Variants in RANBP2 observed in about 807,000 individuals in gnomAD.
RANBP2 encodes the protein E3 SUMO-protein ligase RanBP2.
Under a neutral mutation model 303.6 loss-of-function variants are expected in RANBP2, and 57 were observed. The ratio of observed to expected loss-of-function variants is 0.19; its 90% CI spans 0.15 to 0.23. The LOEUF is 0.23. Ranked by LOEUF, RANBP2 falls within the 10% of genes least tolerant of loss-of-function variation. RANBP2 has a pLI of 1.00. For missense variants in RANBP2, 3,138 were observed against 3,780.8 expected, an observed-to-expected ratio of 0.83 and a Z score of 4.46; for synonymous variants, 1,167 against 1,301.5, an observed-to-expected ratio of 0.90 and a Z score of 2.23.
In RANBP2 at chr2:108,763,825, C is replaced by G. The variant is rs1284886464; in HGVS notation, c.3286C>G (p.Arg1096Gly). Residue 1096 changes from arginine (R) to glycine (G), a missense_variant, in exon 20 of 29, where the codon CGA (arginine) becomes GGA (glycine). Coordinates refer to ENST00000283195, the MANE Select transcript of RANBP2 (RefSeq NM_006267.5). ...PIPGGQTIGPRNTFNFGSKNV... is the reference protein window; with the variant it reads ...PIPGGQTIGPGNTFNFGSKNV... Reference sequence around the variant, plus strand: ...TCCTGGTGGTCAAACCATTGGGCCTCGAAATACATTCAATTTTGGAAGCAA... The same window carrying G: ...TCCTGGTGGTCAAACCATTGGGCCTGGAAATACATTCAATTTTGGAAGCAA... 1.9e-6 allele frequency: 3 copies of G among 1,613,968 alleles called. No individual in the cohort carries two copies. The African/African-American group carries it at 4.0e-5, about 22-fold the overall frequency.
the RANBP2 span, among the ~76,000 whole-genome samples, chr2:109,497,650 A>C: frequency 1.2e-4 from 18 of 152,228 alleles, no homozygotes; most frequent in Non-Finnish European, 2.4e-4. Flanking sequence ...GGGAGTATCA[A>C]TTACTTTCCT....
the RANBP2 span, among the ~76,000 whole-genome samples, chr2:109,239,476 A>C: frequency 6.6e-6 from 1 of 152,250 alleles, no homozygotes; most frequent in East Asian, 1.9e-4. Context: ...AAAGCTTTTT[A>C]GAACAAACGG....
chr2:109,486,705 G>A, the RANBP2 span, among the ~76,000 whole-genome samples: 1 of 152,086 alleles, frequency 6.6e-6, no homozygotes, highest in East Asian at 1.9e-4. Flanking sequence ...CAGCAGTGTG[G>A]TTGGCGCAGG....
the RANBP2 span, among the ~76,000 whole-genome samples, chr2:109,052,902 C>A: frequency 6.6e-6 from 1 of 152,318 alleles, no homozygotes; most frequent in South Asian, 2.1e-4. Flanking sequence ...TCACATTAAC[C>A]CCTAGATTCC....
At chr2:108,804,912 C>T in the RANBP2 span, 9 of 1,558,008 alleles carry the variant, frequency 5.8e-6, no homozygotes, top group African/African-American at 9.8e-5. Flanking sequence ...AAGTTGAACA[C>T]TTAACCGAAG....
chr2:108,786,899 GCAGCT>G, downstream of RANBP2: 1 of 1,550,356 alleles, frequency 6.5e-7, no homozygotes, highest in Non-Finnish European at 8.7e-7. Flanking sequence ...GGACTCGGGG[GCAGCT>G]GCCCCGACGA....
the RANBP2 span, among the ~76,000 whole-genome samples, chr2:109,025,623 C>T: frequency 3.3e-5 from 5 of 151,966 alleles, no homozygotes; most frequent in East Asian, 3.9e-4. Context: ...CTGGCTAACA[C>T]GGTGAAACCC....
chr2:109,431,341 G>A, the RANBP2 span, among the ~76,000 whole-genome samples: 96 of 152,328 alleles, frequency 6.3e-4, no homozygotes, highest in African/African-American at 2.0e-3. Flanking sequence ...ACCAGCTTCC[G>A]TGGCTGAATC....
the RANBP2 span, among the ~76,000 whole-genome samples, chr2:108,961,023 T>C: frequency 1.5e-3 from 225 of 152,262 alleles, no homozygotes; most frequent in African/African-American, 5.4e-3. Context: ...AGAGTCCCAG[T>C]GGTAGAACTG....
the RANBP2 span, chr2:109,546,317 G>A: frequency 0.027 from 23,913 of 871,980 alleles, 395 homozygotes; most frequent in Non-Finnish European, 0.034. Flanking sequence ...ACACAAAGGC[G>A]GACCCCATAG....
chr2:109,274,531 A>G, the RANBP2 span, among the ~76,000 whole-genome samples: 108 of 152,370 alleles, frequency 7.1e-4, 1 homozygote, highest in African/African-American at 2.4e-3. Flanking sequence ...AGCCAGCCAC[A>G]AAAGGTCACA....
Position 108,735,618 on chromosome 2 carries a change from C to T in RANBP2, c.492C>T (p.Asp164=), listed in dbSNP as rs142217504. Residue 164 remains aspartate, a synonymous_variant, in exon 5 of 29, where the codon GAC becomes GAT. Transcript: ENST00000283195. ...CAGAACTTTATGTAAGACCTGATGA[C>T]GTCCATGTGAACATCCGGCTAGTGG... ...IQSELYVRPD[D]VHVNIRLVEV... is the part of the protein sequence containing the mutation. 44 of 1,597,466 alleles carry T rather than the reference C, an allele frequency of 2.8e-5. No individual in the cohort carries two copies. In the African/African-American group the frequency reaches 4.8e-4, roughly 17 times the overall value.
chr2:108,955,513 C>T, the RANBP2 span, among the ~76,000 whole-genome samples: 130 of 152,232 alleles, frequency 8.5e-4, no homozygotes, highest in African/African-American at 2.9e-3. Flanking sequence ...TCTGGGAGGC[C>T]GTGGTGGGCA....
At chr2:109,443,740 A>AAATACATAAGC in the RANBP2 span, among the ~76,000 whole-genome samples, 1 of 152,228 alleles carries the variant, frequency 6.6e-6, no homozygotes, top group Non-Finnish European at 1.5e-5. Flanking sequence ...CAGAACTTCA[A>AAATACATAAGC]AATACATAAG....
At chr2:109,166,982 C>T in the RANBP2 span, among the ~76,000 whole-genome samples, 12 of 152,180 alleles carry the variant, frequency 7.9e-5, no homozygotes, top group Non-Finnish European at 1.5e-4. Flanking sequence ...CCCTTTGCCT[C>T]CAGCAAGCTA....
intron 4 of RANBP2, among the ~76,000 whole-genome samples, chr2:108,735,232 G>A (rs547605402): frequency 6.6e-6 from 1 of 152,152 alleles, no homozygotes; most frequent in African/African-American, 2.4e-5. Context: ...GACTGGGGAG[G>A]TCTAGGCTTC....
chr2:109,740,010 T>A, the RANBP2 span, among the ~76,000 whole-genome samples: 1 of 149,222 alleles, frequency 6.7e-6, no homozygotes. Context: ...TATTTTGAGA[T>A]GGAGTCTCAC....
the RANBP2 span, among the ~76,000 whole-genome samples, chr2:109,340,696 A>G: frequency 6.6e-6 from 1 of 152,156 alleles, no homozygotes; most frequent in East Asian, 1.9e-4. Flanking sequence ...TCATTAAGAG[A>G]CACAAAGCTC....
At chr2:109,242,811 C>G in the RANBP2 span, among the ~76,000 whole-genome samples, 7 of 152,140 alleles carry the variant, frequency 4.6e-5, no homozygotes, top group Non-Finnish European at 1.0e-4. Flanking sequence ...GATGGGGACC[C>G]TCACTCTGTG....
Sources: gnomAD v4.1 joint callset for allele counts (sites outside exome capture counted in the v4.1 genomes callset) on GRCh38, gnomAD v4.1.1 for gene constraint, MANE v1.5 for transcripts, NCBI Gene and HGNC (gene_info 2026-07-23, HGNC 2026-07-21) for gene names.